The following GTF2IRD1 variants were observed in gnomAD, a reference collection of about 807,000 sequenced individuals.
GTF2IRD1 encodes GTF2I repeat domain containing 1.
Under a neutral mutation model 113.2 loss-of-function variants are expected in GTF2IRD1, and 26 were observed. That is an observed-to-expected ratio of 0.23 (90% CI 0.17 to 0.32). The LOEUF is 0.32. Among genes scored for constraint, GTF2IRD1 ranks in the 10% least tolerant of loss-of-function variants. The probability of loss-of-function intolerance (pLI) is 1.00; values close to 1 mark genes in which losing one functional copy is unlikely to be tolerated. For synonymous variants in GTF2IRD1, 484 were observed against 529.1 expected (o/e 0.91, Z 1.17); for missense variants, 864 against 1,280.8 (o/e 0.67, Z 4.97).
chr7:74,601,337 C>T (rs1554374045), intron 26 of GTF2IRD1, 157 bp downstream of exon 26: 1 of 1,534,886 alleles, frequency 6.5e-7, no homozygotes, highest in Non-Finnish European at 8.7e-7. Flanking sequence ...GATGCATCCA[C>T]CTGTCTCACC....
chr7:74,517,886 G>C (rs1554344967), intron 4 of GTF2IRD1, among the ~76,000 whole-genome samples: 1 of 152,230 alleles, frequency 6.6e-6, no homozygotes, highest in African/African-American at 2.4e-5. Flanking sequence ...GCTTGGTCGG[G>C]GAGGGCAGCA....
At chr7:74,581,879 C>T (rs1272107003) in intron 22 of GTF2IRD1, among the ~76,000 whole-genome samples, 1 of 152,192 alleles carries the variant, frequency 6.6e-6, no homozygotes, top group Non-Finnish European at 1.5e-5. Context: ...TAGTGGCACA[C>T]ACCTGTAGCA....
intron 3 of GTF2IRD1, 173 bp from the exon 4 acceptor site, chr7:74,515,268 G>A (rs1796861283): frequency 1.5e-6 from 2 of 1,358,604 alleles, no homozygotes; most frequent in Admixed American, 4.0e-5. Flanking sequence ...GGCCCTCAGT[G>A]GGGTGGTTGG....
chr7:74,531,200 G>A (rs901678095), intron 9 of GTF2IRD1, among the ~76,000 whole-genome samples: 8 of 151,856 alleles, frequency 5.3e-5, no homozygotes, highest in African/African-American at 9.7e-5. Context: ...GTGAAACTCC[G>A]TCTCTACTAA....
chr7:74,529,869 TGAA>T lies in GTF2IRD1; in HGVS notation c.1228_1230del (p.Lys410del). ...CCCTGCACTTATGGAGTCCCCAAGC[TGAA>T]GCGGATCCTGGAGGAGCGCCATAGT... On this transcript the variant is annotated inframe_deletion, in exon 9 of 27. Transcript: ENST00000424337. 6.2e-7 allele frequency: 1 copy of T among 1,614,060 alleles called. No individual in the cohort carries two copies. The highest frequency in any genetic ancestry group is 8.5e-7 in the Non-Finnish European group (1 of 1,180,018).
intron 1 of GTF2IRD1, among the ~76,000 whole-genome samples, chr7:74,479,355 C>T (rs1347612992): frequency 6.6e-6 from 1 of 151,288 alleles, no homozygotes; most frequent in Non-Finnish European, 1.5e-5. Flanking sequence ...CCCACCCACC[C>T]ACCCACTCCC....
chr7:74,462,501 G>A (rs1793436445), intron 1 of GTF2IRD1, among the ~76,000 whole-genome samples: 3 of 152,166 alleles, frequency 2.0e-5, no homozygotes, highest in Admixed American at 6.5e-5. Flanking sequence ...CTGGGTACAC[G>A]GGTAGCTGGT....
intron 25 of GTF2IRD1, among the ~76,000 whole-genome samples, chr7:74,596,189 C>T (rs1405864657): frequency 1.1e-4 from 17 of 152,116 alleles, no homozygotes; most frequent in Admixed American, 3.3e-4. Flanking sequence ...GGGCCGGGCG[C>T]GGTGGCTCAC....
intron 22 of GTF2IRD1, among the ~76,000 whole-genome samples, chr7:74,586,711 C>G (rs587720847): frequency 6.6e-6 from 1 of 152,338 alleles, no homozygotes; most frequent in South Asian, 2.1e-4. Context: ...GGAACAGGGC[C>G]TCCATTCTGG....
At chr7:74,570,377 A>T (rs1191990991) in intron 22 of GTF2IRD1, among the ~76,000 whole-genome samples, 1 of 149,992 alleles carries the variant, frequency 6.7e-6, no homozygotes. Context: ...AAAAAAAAAA[A>T]GCCAGACACA....
rs1452007554 is a variant in GTF2IRD1 at position 74,458,493 on chromosome 7, C to T, written c.-7+4317C>T. On this transcript the variant is annotated intron_variant, in intron 1 of 26. Coordinates refer to ENST00000424337, the MANE Select transcript of GTF2IRD1 (RefSeq NM_005685.4). ...TGCTTTCTACCCAGGCTCCATACTCCGGAAGGGAGGCAGGACCCTGTCACT... is the reference window on the plus strand; with the variant it reads ...TGCTTTCTACCCAGGCTCCATACTCTGGAAGGGAGGCAGGACCCTGTCACT... Among the ~76,000 whole-genome samples the T allele has an allele frequency of 3.3e-5, 5 of 152,134 alleles. 1 individual carries two copies. In the South Asian group the frequency reaches 6.2e-4, roughly 19 times the overall value.
In GTF2IRD1 at chr7:74,518,160, G is replaced by T. The variant is rs782150160; in HGVS notation, c.443G>T (p.Ser148Ile). Residue 148 changes from serine (S) to isoleucine (I), a missense_variant, in exon 5 of 27, where the codon AGT (serine) becomes ATT (isoleucine). Around this residue, in one of 7 missense-constraint regions of GTF2IRD1, gnomAD observed 182 missense variants for 266.6 expected, o/e 0.68. Coordinates refer to ENST00000424337, the MANE Select transcript of GTF2IRD1 (RefSeq NM_005685.4). ...ACAGGCGAGGCCCTGGGAAGGGCCA[G>T]TGTGGTGCCACTGCCCTATGAGAGG... ...VLYSEALGRA[S>I]VVPLPYERLL... 5 of 1,599,772 alleles carry T rather than the reference G, an allele frequency of 3.1e-6. No homozygotes were observed. The highest frequency in any genetic ancestry group is 4.3e-6 in the Non-Finnish European group (5 of 1,171,472).
intron 8 of GTF2IRD1, among the ~76,000 whole-genome samples, chr7:74,525,626 T>G (rs976909450): frequency 1.8e-4 from 28 of 152,038 alleles, no homozygotes; most frequent in African/African-American, 6.8e-4. Context: ...CATGGTGGCA[T>G]GCACCTGTAA....
rs1167468655 is a variant in GTF2IRD1 at position 74,562,555 on chromosome 7, C to CTTTTTTT, written c.2320+2923_2320+2929dup. Among the ~76,000 whole-genome samples the CTTTTTTT allele has an allele frequency of 3.2e-3, 200 of 62,700 alleles. 37 individuals are homozygous for CTTTTTTT. The highest frequency in any genetic ancestry group is 0.013 in the African/African-American group (163 of 12,564). 41.1% of individuals were successfully genotyped at this position (62,700 alleles called of 152,430 possible). A position where few individuals can be genotyped will look rare whatever the true frequency, so the allele number is the denominator to read the frequency against. On this transcript the variant is annotated intron_variant, in intron 22 of 26. Coordinates refer to ENST00000424337, the MANE Select transcript of GTF2IRD1 (RefSeq NM_005685.4). ...AGGACTATTTTCCGCCAATTGCCCT[C>CTTTTTTT]TTTTTTTTTTTTTTTTTTTTTTTTT...
At chr7:74,476,154 G>A (rs372338226) in intron 1 of GTF2IRD1, among the ~76,000 whole-genome samples, 4 of 152,156 alleles carry the variant, frequency 2.6e-5, no homozygotes, top group South Asian at 2.1e-4. Flanking sequence ...AACTAATCCC[G>A]ATGCTCTGGA....
intron 25 of GTF2IRD1, among the ~76,000 whole-genome samples, chr7:74,598,141 T>TGAGGCCGGA (rs1481023967): frequency 6.6e-6 from 1 of 151,836 alleles, no homozygotes; most frequent in East Asian, 1.9e-4. Context: ...GAGGAGTGCT[T>TGAGGCCGGA]GAGGCCGGAA....
In GTF2IRD1 at chr7:74,529,775, C is replaced by T. The variant is rs1554348257; in HGVS notation, c.1132C>T (p.Arg378Trp). 6.2e-7 allele frequency: 1 copy of T among 1,614,032 alleles called. No homozygotes were observed. The highest frequency in any genetic ancestry group is 8.5e-7 in the Non-Finnish European group (1 of 1,179,974). The stretch of plus-strand genomic sequence containing the variant: ...GGACCACATGGTCCCCGTGCCCTAC[C>T]GGAAGATTGCCTGTGACCCGGAGGC... ...GLDHMVPVPYRKIACDPEAVE... is the reference protein window; with the variant it reads ...GLDHMVPVPYWKIACDPEAVE... Residue 378 changes from arginine (R) to tryptophan (W), a missense_variant, in exon 9 of 27, where the codon CGG becomes TGG. By Grantham distance (101) the Arg-to-Trp change is moderately radical (BLOSUM62 -3). Around this residue, in one of 7 missense-constraint regions of GTF2IRD1, gnomAD observed 218 missense variants for 352.6 expected, o/e 0.62. Coordinates refer to ENST00000424337, the MANE Select transcript of GTF2IRD1 (RefSeq NM_005685.4).
intron 1 of GTF2IRD1, among the ~76,000 whole-genome samples, chr7:74,454,743 G>A (rs1554326732): frequency 6.6e-6 from 1 of 152,144 alleles, no homozygotes; most frequent in Non-Finnish European, 1.5e-5. Flanking sequence ...GTGTGGTGGT[G>A]GCCGCTGAAT....
chr7:74,513,368 C>T (rs1348313926), intron 3 of GTF2IRD1, among the ~76,000 whole-genome samples: 1 of 152,172 alleles, frequency 6.6e-6, no homozygotes, highest in Non-Finnish European at 1.5e-5. Flanking sequence ...TGCAGTGGCA[C>T]AATTTTGGCT....
Sources: gnomAD v4.1 joint callset for allele counts (sites outside exome capture counted in the v4.1 genomes callset) on GRCh38, gnomAD v4.1.1 for gene constraint, gnomAD v4.1.1 regional missense constraint, MANE v1.5 for transcripts, NCBI Gene and HGNC (gene_info 2026-07-23, HGNC 2026-07-21) for gene names.